GREB1L: variants seen among roughly 807,000 people sequenced by gnomAD.
GREB1L encodes the protein GREB1-like protein.
Under a neutral mutation model 200.8 loss-of-function variants are expected in GREB1L, and 17 were observed. The ratio of observed to expected loss-of-function variants is 0.08; its 90% CI spans 0.06 to 0.13. The LOEUF (loss-of-function observed/expected upper bound fraction) is 0.13. Ranked by LOEUF, GREB1L falls within the 10% of genes least tolerant of loss-of-function variation. GREB1L has a pLI of 1.00. For synonymous variants in GREB1L, 789 were observed against 893.0 expected (o/e 0.88, Z 2.08); for missense variants, 1,657 against 2,367.7 (o/e 0.70, Z 6.23).
At chr18:21,417,245 G>A (rs2031725230) in intron 7 of GREB1L, among the ~76,000 whole-genome samples, 1 of 152,062 alleles carries the variant, frequency 6.6e-6, no homozygotes, top group Non-Finnish European at 1.5e-5. Flanking sequence ...CTTTTGGCCA[G>A]GTGCGGTGGC....
chr18:21,333,691 A>G (rs1180247727), intron 1 of GREB1L, among the ~76,000 whole-genome samples: 1 of 148,592 alleles, frequency 6.7e-6, no homozygotes, highest in African/African-American at 2.6e-5. Flanking sequence ...AAAAAAAAAA[A>G]GAATTCTAGT....
intron 7 of GREB1L, among the ~76,000 whole-genome samples, chr18:21,410,036 A>C (rs2030769201): frequency 6.6e-6 from 1 of 152,216 alleles, no homozygotes. Flanking sequence ...ATTAGAAATT[A>C]GCATTTGGGG....
At chr18:21,518,305 A>G (rs557535728) in intron 31 of GREB1L, 71 bp downstream of exon 31, 2 of 1,397,110 alleles carry the variant, frequency 1.4e-6, no homozygotes, top group South Asian at 1.4e-5. Context: ...GCTGTTTACA[A>G]AAAAGGAGCC....
intron 1 of GREB1L, among the ~76,000 whole-genome samples, chr18:21,355,419 C>T (rs1423634376): frequency 6.6e-6 from 1 of 152,086 alleles, no homozygotes; most frequent in African/African-American, 2.4e-5. Context: ...GTCTGAAACT[C>T]CTGACCTCGT....
chr18:21,262,905 A>G (rs2037911576), intron 1 of GREB1L, among the ~76,000 whole-genome samples: 1 of 152,218 alleles, frequency 6.6e-6, no homozygotes, highest in East Asian at 1.9e-4. Context: ...CTAAGAAACG[A>G]TGGGCTTACA....
chr18:21,358,910 T>C (rs1177518164), intron 1 of GREB1L, among the ~76,000 whole-genome samples: 1 of 152,276 alleles, frequency 6.6e-6, no homozygotes, highest in East Asian at 1.9e-4. Flanking sequence ...GTTGATTTTG[T>C]ATCAACTTTA....
intron 15 of GREB1L, 163 bp downstream of exon 15, chr18:21,454,726 C>T (rs1406953315): frequency 3.1e-6 from 2 of 646,788 alleles, no homozygotes; most frequent in Non-Finnish European, 5.5e-6. Flanking sequence ...GAAGTTTTCC[C>T]TCAAAGTACT....
At chr18:21,340,346 G>A (rs886393022) in intron 1 of GREB1L, among the ~76,000 whole-genome samples, 10 of 151,840 alleles carry the variant, frequency 6.6e-5, no homozygotes, top group Non-Finnish European at 1.2e-4. Context: ...CGTGAACCCT[G>A]GAGGTGGAGC....
chr18:21,472,566 C>G (rs1039461473), intron 15 of GREB1L, among the ~76,000 whole-genome samples: 3 of 151,606 alleles, frequency 2.0e-5, no homozygotes, highest in Non-Finnish European at 4.4e-5. Flanking sequence ...GACAATCTAA[C>G]GTGGTATCCT....
At chr18:21,281,991 G>T (rs539649534) in intron 1 of GREB1L, among the ~76,000 whole-genome samples, 1 of 152,206 alleles carries the variant, frequency 6.6e-6, no homozygotes, top group South Asian at 2.1e-4. Context: ...TTTATTGTGT[G>T]GCTAGGCACA....
chr18:21,400,775 G>A (rs1158652457), intron 5 of GREB1L, among the ~76,000 whole-genome samples: 6 of 152,182 alleles, frequency 3.9e-5, no homozygotes, highest in East Asian at 1.9e-4. Flanking sequence ...GGGTGAGGAC[G>A]CAGGTTCTCT....
At chr18:21,507,083 A>C (rs1038279269) in intron 25 of GREB1L, among the ~76,000 whole-genome samples, 2 of 152,122 alleles carry the variant, frequency 1.3e-5, no homozygotes, top group African/African-American at 4.8e-5. Context: ...AAACTGATCG[A>C]ATCATTCTGC....
intron 5 of GREB1L, among the ~76,000 whole-genome samples, chr18:21,397,524 CAAAA>C (rs10719044): frequency 9.7e-6 from 1 of 103,358 alleles, no homozygotes; most frequent in Non-Finnish European, 2.1e-5. Flanking sequence ...GACTCCGTCT[CAAAA>C]AAAAAAAAAA....
At chr18:21,341,945 G>T (rs1330620363) in intron 1 of GREB1L, among the ~76,000 whole-genome samples, 1 of 152,128 alleles carries the variant, frequency 6.6e-6, no homozygotes, top group Non-Finnish European at 1.5e-5. Flanking sequence ...TTTGTTGGTG[G>T]TGAGGGGCCA....
At chr18:21,497,811 A>ACCCC (rs61655993) in intron 21 of GREB1L, among the ~76,000 whole-genome samples, 42 of 67,566 alleles carry the variant, frequency 6.2e-4, no homozygotes, top group Non-Finnish European at 9.1e-4. Flanking sequence ...TCCCCTCACC[A>ACCCC]CCCCCCCCCC....
At chr18:21,395,105 CAA>C (rs372663303) in intron 4 of GREB1L, among the ~76,000 whole-genome samples, 6,808 of 64,036 alleles carry the variant, frequency 0.11, 552 homozygotes, top group African/African-American at 0.31. Context: ...GACTCCATCT[CAA>C]AAAAAAAAAA....
chr18:21,411,494 C>T (rs1034506752), intron 7 of GREB1L, among the ~76,000 whole-genome samples: 14 of 151,450 alleles, frequency 9.2e-5, no homozygotes, highest in South Asian at 2.1e-4. Flanking sequence ...GCGTGAGCCA[C>T]GGTGCCCAGC....
At chr18:21,384,127 C>T in intron 3 of GREB1L, 79 bp from the exon 4 acceptor site, 14 of 1,010,030 alleles carry the variant, frequency 1.4e-5, no homozygotes, top group South Asian at 3.1e-5. Flanking sequence ...CTTTTTTCTT[C>T]AATTATGTCT....
chr18:21,450,056 G>A (rs559396974), intron 12 of GREB1L, among the ~76,000 whole-genome samples: 3 of 152,228 alleles, frequency 2.0e-5, no homozygotes, highest in African/African-American at 7.2e-5. Context: ...GGTTGTGGGA[G>A]CATTATTTCA....
Sources: allele counts gnomAD v4.1 joint callset (sites outside exome capture counted in the v4.1 genomes callset), GRCh38; gene constraint gnomAD v4.1.1; transcripts MANE v1.5; gene names NCBI Gene and HGNC (gene_info 2026-07-23, HGNC 2026-07-21).